Variants in ADAMTSL1 observed in about 807,000 individuals in gnomAD.
The protein encoded by ADAMTSL1 is ADAMTS-like protein 1.
Under a neutral mutation model 201.8 loss-of-function variants are expected in ADAMTSL1, and 126 were observed. The ratio of observed to expected loss-of-function variants is 0.62; its 90% CI spans 0.54 to 0.72. The LOEUF (loss-of-function observed/expected upper bound fraction) is 0.72. Among genes scored for constraint, ADAMTSL1 ranks in the 30% least tolerant of loss-of-function variants. The probability of loss-of-function intolerance (pLI) is 0.00; values close to 1 mark genes in which losing one functional copy is unlikely to be tolerated. For synonymous variants in ADAMTSL1, 1,121 were observed against 903.4 expected (o/e 1.24, Z -4.32); for missense variants, 2,679 against 2,277.8 (o/e 1.18, Z -3.59).
chr9:18,323,664 T>A (rs1834714847), intron 2 of ADAMTSL1, among the ~76,000 whole-genome samples: 1 of 152,160 alleles, frequency 6.6e-6, no homozygotes, highest in African/African-American at 2.4e-5. Context: ...AAATTCAGTA[T>A]ACAAAAATCA....
intron 25 of ADAMTSL1, chr9:18,890,456 G>C: frequency 4.4e-6 from 2 of 455,222 alleles, no homozygotes; most frequent in Non-Finnish European, 8.8e-6. Flanking sequence ...GCAGTGCTGA[G>C]AGCCTGGGGG....
At chr9:18,078,781 T>C (rs1185711376) in intron 1 of ADAMTSL1, among the ~76,000 whole-genome samples, 1 of 152,080 alleles carries the variant, frequency 6.6e-6, no homozygotes. Flanking sequence ...CTGCAGGGAA[T>C]CCATTGCCTT....
chr9:18,681,957 A>G lies in ADAMTSL1; in HGVS notation c.1487A>G (p.Lys496Arg). 32 of 1,614,010 alleles carry G rather than the reference A, an allele frequency of 2.0e-5. No homozygotes were observed. Among genetic ancestry groups the G allele is most frequent in the Non-Finnish European group, 2.6e-5 (31 of 1,179,924 alleles). The change falls in exon 12 of 29, where the codon AAA (lysine) becomes AGA (arginine). Residue 496 changes from lysine to arginine, a missense_variant and splice_region_variant. By Grantham distance (26) the Lys-to-Arg change is conservative. Transcript: ENST00000380548. ...GTACCCACTCCCTGCTATAAACCCA[A>G]AGGTAACTTGACAGGTGCTCTATTA... ...CIVPTPCYKP[K>R]EKLPVEAKLP...
chr9:18,459,135 C>A (rs891519385), intron 2 of ADAMTSL1, among the ~76,000 whole-genome samples: 2 of 152,146 alleles, frequency 1.3e-5, no homozygotes, highest in African/African-American at 4.8e-5. Flanking sequence ...GTGCTTGAGA[C>A]AATAGTCCTA....
At chr9:18,672,889 CTCT>C (rs34068102) in intron 9 of ADAMTSL1, among the ~76,000 whole-genome samples, 43,744 of 151,906 alleles carry the variant, frequency 0.29, 6,810 homozygotes, top group South Asian at 0.38. Flanking sequence ...TGCTCACCTT[CTCT>C]TCTTACCACC....
At chr9:18,872,815 C>G (rs993294998) in intron 23 of ADAMTSL1, among the ~76,000 whole-genome samples, 3 of 152,104 alleles carry the variant, frequency 2.0e-5, no homozygotes, top group African/African-American at 7.2e-5. Context: ...GCAAGTGTCT[C>G]TTTTTATATA....
intron 23 of ADAMTSL1, among the ~76,000 whole-genome samples, chr9:18,861,043 C>A (rs773674364): frequency 2.0e-4 from 31 of 152,152 alleles, no homozygotes; most frequent in Non-Finnish European, 4.3e-4. Flanking sequence ...ATATACACAT[C>A]CCTCATTATA....
chr9:18,780,773 C>A (rs1176158678), intron 19 of ADAMTSL1, among the ~76,000 whole-genome samples: 4 of 152,114 alleles, frequency 2.6e-5, no homozygotes, highest in Admixed American at 1.3e-4. Flanking sequence ...TACTTAACAG[C>A]ATGTCTATGA....
In ADAMTSL1 at chr9:18,161,301, G is replaced by A. The variant is rs529847808; in HGVS notation, c.88-2561G>A. On this transcript the variant is annotated intron_variant, in intron 1 of 29. Transcript: ENST00000680146. ...CATTTTTGTCTATTTAATTGGTTTA[G>A]CAAAAGAAACTTCTTTTTGTAGGCA... Among the ~76,000 whole-genome samples the A allele has an allele frequency of 7.9e-5, 12 of 151,982 alleles. No homozygotes were observed. The South Asian group carries it at 1.7e-3, about 21-fold the overall frequency.
Position 18,639,247 on chromosome 9 carries a change from C to T in ADAMTSL1, c.677-7C>T, listed in dbSNP as rs1402312615. ...TTTCTCTCATCTTCACGTGTTTGAT[C>T]ATATAGATCTGGAAACCAAAACCCT... On this transcript the variant is annotated splice_region_variant and splice_polypyrimidine_tract_variant and intron_variant, in intron 6 of 28. Transcript: ENST00000380548. The T allele has an allele frequency of 6.2e-7, 1 of 1,612,222 alleles. No homozygotes were observed. Among genetic ancestry groups the T allele is most frequent in the African/African-American group, 1.3e-5 (1 of 74,942 alleles).
Position 18,564,457 on chromosome 9 carries a change from G to T in ADAMTSL1, c.238-9573G>T, listed in dbSNP as rs141251565. 2.6e-5 allele frequency among the ~76,000 whole-genome samples: 4 copies of T among 152,244 alleles called. No homozygotes were observed. In the East Asian group the frequency reaches 7.7e-4, roughly 29 times the overall value. On this transcript the variant is annotated intron_variant, in intron 3 of 28. Coordinates refer to ENST00000380548, the MANE Select transcript of ADAMTSL1 (RefSeq NM_001040272.6). ...TGCAGACCAGAGCTGTTCCTATTCTGCCATCTTGCCAGCCCCTGCCTCACT... is the reference window on the plus strand; with the variant it reads ...TGCAGACCAGAGCTGTTCCTATTCTTCCATCTTGCCAGCCCCTGCCTCACT...
chr9:18,545,788 A>G (rs1295688908), intron 3 of ADAMTSL1, among the ~76,000 whole-genome samples: 1 of 152,218 alleles, frequency 6.6e-6, no homozygotes, highest in Non-Finnish European at 1.5e-5. Context: ...TTAGAAAGAA[A>G]TTACTACTGC....
intron 27 of ADAMTSL1, among the ~76,000 whole-genome samples, chr9:18,906,142 G>A (rs1263774885): frequency 2.0e-5 from 3 of 152,146 alleles, no homozygotes; most frequent in African/African-American, 7.2e-5. Context: ...TTATTCTTCT[G>A]AGAGAGGCCT....
chr9:18,817,013 C>T, intron 20 of ADAMTSL1, 96 bp from the exon 21 acceptor site: 1 of 1,470,964 alleles, frequency 6.8e-7, no homozygotes. Context: ...TCTGGGTAGA[C>T]CAGCCATGCA....
At chr9:18,637,447 A>G (rs1827174383) in intron 6 of ADAMTSL1, among the ~76,000 whole-genome samples, 1 of 152,196 alleles carries the variant, frequency 6.6e-6, no homozygotes, top group South Asian at 2.1e-4. Flanking sequence ...TGCGGAAGAA[A>G]GAACCCATAG....
chr9:18,101,343 C>G (rs1824512051), intron 1 of ADAMTSL1, among the ~76,000 whole-genome samples: 3 of 151,830 alleles, frequency 2.0e-5, no homozygotes, highest in Middle Eastern at 3.4e-3. Context: ...TAAAAAAATA[C>G]AAAAATTAGC....
chr9:18,008,170 C>T (rs1819908383), intron 1 of ADAMTSL1, among the ~76,000 whole-genome samples: 1 of 151,920 alleles, frequency 6.6e-6, no homozygotes, highest in Non-Finnish European at 1.5e-5. Flanking sequence ...TTTGCTGAGG[C>T]AATTTACTCC....
intron 15 of ADAMTSL1, among the ~76,000 whole-genome samples, chr9:18,743,127 C>G (rs1388210483): frequency 6.6e-6 from 1 of 152,082 alleles, no homozygotes; most frequent in South Asian, 2.1e-4. Context: ...ACTCAGAAGA[C>G]AGGGTGATCA....
intron 1 of ADAMTSL1, among the ~76,000 whole-genome samples, chr9:18,087,637 G>C (rs1343348684): frequency 6.6e-6 from 1 of 152,118 alleles, no homozygotes; most frequent in African/African-American, 2.4e-5. Flanking sequence ...ATAGGATATA[G>C]AAAGTTGTAT....
Sources: gnomAD v4.1 joint callset for allele counts (sites outside exome capture counted in the v4.1 genomes callset) on GRCh38, gnomAD v4.1.1 for gene constraint, MANE v1.5 for transcripts, NCBI Gene and HGNC (gene_info 2026-07-23, HGNC 2026-07-21) for gene names.